Variants in FAM3B observed in about 807,000 individuals in gnomAD.
The protein encoded by FAM3B is protein FAM3B.
Under a neutral mutation model 28.4 loss-of-function variants are expected in FAM3B, and 29 were observed. The observed-to-expected ratio is 1.02, with a 90% CI of 0.76 to 1.39. The LOEUF (loss-of-function observed/expected upper bound fraction) is 1.39, where lower values mean the gene tolerates loss of function less well. Ranked by LOEUF, FAM3B falls within the 40% of genes most tolerant of loss-of-function variation. The pLI is 0.00. For missense variants in FAM3B, 266 were observed against 293.9 expected (o/e 0.91, Z 0.69); for synonymous variants, 91 against 103.0 (o/e 0.88, Z 0.71).
At chr21:41,338,086 T>C (rs1192232857) in intron 2 of FAM3B, among the ~76,000 whole-genome samples, 2 of 152,010 alleles carry the variant, frequency 1.3e-5, no homozygotes, top group Non-Finnish European at 1.5e-5. Context: ...CCACCAAGAA[T>C]GTCACAATGG....
intron 2 of FAM3B, among the ~76,000 whole-genome samples, chr21:41,336,962 T>C (rs2088961475): frequency 6.6e-6 from 1 of 152,266 alleles, no homozygotes; most frequent in Non-Finnish European, 1.5e-5. Flanking sequence ...CTATACATTT[T>C]TTAAATCTGT....
chr21:41,341,213 T>C lies in FAM3B; in HGVS notation c.287+2712T>C, dbSNP rs180701589. On this transcript the variant is annotated intron_variant, in intron 3 of 7. Transcript: ENST00000357985. ...TCTTTTATTGATATGTGGTATTCCA[T>C]AGCACGGATGTGTCATAGTTTATTC... is the stretch of plus-strand genomic sequence containing the variant. Among the ~76,000 whole-genome samples, 3 of 152,384 alleles carry C rather than the reference T, an allele frequency of 2.0e-5. No homozygotes were observed. In the East Asian group the frequency reaches 5.8e-4, roughly 29 times the overall value.
intron 6 of FAM3B, among the ~76,000 whole-genome samples, 164 bp from the exon 7 acceptor site, chr21:41,348,428 A>G (rs1337965783): frequency 2.0e-5 from 3 of 152,224 alleles, no homozygotes; most frequent in Non-Finnish European, 2.9e-5. Context: ...CTCAAGAAGC[A>G]TGTGTGCCTC....
chr21:41,310,052 G>C (rs922593948), intron 1 of FAM3B, among the ~76,000 whole-genome samples: 2 of 152,206 alleles, frequency 1.3e-5, no homozygotes, highest in Non-Finnish European at 2.9e-5. Flanking sequence ...GTGCTGCAGG[G>C]AAGTGACTGA....
chr21:41,305,245 G>A (rs1459458035), intron 1 of FAM3B, among the ~76,000 whole-genome samples: 1 of 152,116 alleles, frequency 6.6e-6, no homozygotes, highest in Non-Finnish European at 1.5e-5. Flanking sequence ...GGGTTGGTGC[G>A]GGTTCCATGC....
At chr21:41,319,953 A>G (rs1568911650) in intron 1 of FAM3B, 2 of 152,056 alleles carry the variant, frequency 1.3e-5, no homozygotes, top group Admixed American at 6.6e-5. Context: ...CCCTGATCCA[A>G]TCTGACTGGT....
intron 1 of FAM3B, among the ~76,000 whole-genome samples, chr21:41,317,146 G>C (rs868798238): frequency 6.6e-6 from 1 of 152,182 alleles, no homozygotes; most frequent in Non-Finnish European, 1.5e-5. Flanking sequence ...GCCTGTTCCC[G>C]CCGCCCCAGC....
At position 41,346,921 on chromosome 21, in the gene FAM3B, C is replaced by T. The variant is rs2089065817; in HGVS notation, c.398-92C>T. On this transcript the variant is annotated intron_variant, in intron 5 of 7. Transcript: ENST00000357985. ...GGGACCCCCAAGGATTCAGAATGGA[C>T]ACAGAATGCAGGTGCAGGAGGAAGC... The T allele has an allele frequency of 4.5e-6, 5 of 1,106,174 alleles. No individual in the cohort carries two copies. In the East Asian group the frequency reaches 1.2e-4, roughly 26 times the overall value. The allele number at this position is 1,106,174 out of a possible 1,614,324, so 68.5% of individuals were successfully genotyped here.
chr21:41,321,308 T>C (rs2088802138), intron 1 of FAM3B, among the ~76,000 whole-genome samples: 1 of 152,204 alleles, frequency 6.6e-6, no homozygotes, highest in African/African-American at 2.4e-5. Flanking sequence ...GGTGTCTGTG[T>C]GGGCGCTGTG....
intron 1 of FAM3B, chr21:41,320,163 C>T (rs1477409708): frequency 3.3e-5 from 5 of 152,084 alleles, no homozygotes; most frequent in Admixed American, 6.6e-5. Context: ...GGCTGGAGTG[C>T]AATATTGCAA....
At chr21:41,356,655 T>C (rs2089170498) in intron 7 of FAM3B, among the ~76,000 whole-genome samples, 1 of 152,196 alleles carries the variant, frequency 6.6e-6, no homozygotes, top group African/African-American at 2.4e-5. Context: ...TTGCATAAAG[T>C]TCTAGAGCTG....
intron 3 of FAM3B, 47 bp from the exon 4 acceptor site, chr21:41,344,429 G>A: frequency 6.4e-7 from 1 of 1,559,212 alleles, no homozygotes; most frequent in Non-Finnish European, 8.8e-7. Context: ...GGAGCGGGGA[G>A]AGTCGCACGC....
intron 2 of FAM3B, among the ~76,000 whole-genome samples, chr21:41,337,920 G>A (rs2088970486): frequency 6.6e-6 from 1 of 151,908 alleles, no homozygotes; most frequent in Non-Finnish European, 1.5e-5. Flanking sequence ...TATGTTTATA[G>A]TGTATGTGGC....
chr21:41,350,181 A>G (rs995922118), intron 7 of FAM3B, among the ~76,000 whole-genome samples: 3 of 152,198 alleles, frequency 2.0e-5, no homozygotes. Context: ...TCTGGGCTCC[A>G]GCTTTCCTGC....
At chr21:41,329,455 AGTATCTGTGTT>A (rs1430926894) in intron 2 of FAM3B, among the ~76,000 whole-genome samples, 3 of 152,194 alleles carry the variant, frequency 2.0e-5, no homozygotes, top group African/African-American at 7.2e-5. Flanking sequence ...TGACTGTCAC[AGTATCTGTGTT>A]CAAGTCACCT....
chr21:41,312,722 AGTGTGTGTGTGT>A (rs10580404), upstream of FAM3B, among the ~76,000 whole-genome samples: 17 of 148,324 alleles, frequency 1.1e-4, 1 homozygote, highest in African/African-American at 3.2e-4. Context: ...TGTGTGTGAG[AGTGTGTGTGTGT>A]GTGTGTGTGT....
rs748844783 is a variant in FAM3B, at chr21:41,323,007, C to T, written c.104C>T (p.Ala35Val). 27 of 1,610,470 alleles carry T rather than the reference C, an allele frequency of 1.7e-5. No homozygotes were observed. The Admixed American group carries it at 4.3e-4, about 26-fold the overall frequency. ...GYLLAELIPD[A>V]PLSSAAYSIR... ...CTGCTCGCAGAGCTCATTCCAGATG[C>T]ACCCCTGTCCAGTGCTGCCTATAGC... The change falls in exon 2 of 8, where the codon GCA becomes GTA. Residue 35 changes from alanine to valine, a missense_variant. Coordinates refer to ENST00000357985, the MANE Select transcript of FAM3B (RefSeq NM_058186.4).
At chr21:41,343,617 G>A (rs1368345873) in intron 3 of FAM3B, among the ~76,000 whole-genome samples, 1 of 152,164 alleles carries the variant, frequency 6.6e-6, no homozygotes, top group Admixed American at 6.5e-5. Context: ...AAAGGAGGAA[G>A]CCTTCCAAAT....
intron 1 of FAM3B, among the ~76,000 whole-genome samples, chr21:41,309,154 A>G (rs189239775): frequency 9.8e-5 from 15 of 152,366 alleles, no homozygotes; most frequent in Admixed American, 8.5e-4. Flanking sequence ...ACACTGCTCA[A>G]GTGAGCACAC....
Sources: gnomAD v4.1 joint callset for allele counts (sites outside exome capture counted in the v4.1 genomes callset) on GRCh38, gnomAD v4.1.1 for gene constraint, MANE v1.5 for transcripts, NCBI Gene and HGNC (gene_info 2026-07-23, HGNC 2026-07-21) for gene names.